The following WDR41 variants were observed in gnomAD, a reference collection of about 807,000 sequenced individuals.
WDR41 encodes WD repeat domain 41.
A neutral mutation model predicts 69.3 loss-of-function variants in WDR41; 63 were observed. That is an observed-to-expected ratio of 0.91 (90% CI 0.74 to 1.12). The LOEUF (loss-of-function observed/expected upper bound fraction) is 1.12, where lower values mean the gene tolerates loss of function less well. WDR41 is among the 50% of genes most tolerant of loss of function. WDR41 has a pLI of 0.00. For synonymous variants in WDR41, 185 were observed against 192.1 expected (o/e 0.96, Z 0.31); for missense variants, 543 against 534.5 (o/e 1.02, Z -0.16).
chr5:77,552,285 AT>A (rs1743314555), intron 1 of WDR41, among the ~76,000 whole-genome samples: 1 of 152,060 alleles, frequency 6.6e-6, no homozygotes, highest in Non-Finnish European at 1.5e-5. Flanking sequence ...ACACAGGGCA[AT>A]TTACAATAAC....
At chr5:77,532,762 T>A (rs942147474) in intron 1 of WDR41, among the ~76,000 whole-genome samples, 1 of 152,114 alleles carries the variant, frequency 6.6e-6, no homozygotes, top group Non-Finnish European at 1.5e-5. Flanking sequence ...GTAAATATTT[T>A]AAAAATTATA....
chr5:77,542,611 C>G (rs1368055078), intron 1 of WDR41, among the ~76,000 whole-genome samples: 1 of 152,008 alleles, frequency 6.6e-6, no homozygotes, highest in East Asian at 1.9e-4. Flanking sequence ...ACATATAAGA[C>G]AGAGCATGTA....
At chr5:77,594,083 T>C (rs1475907624) in intron 1 of WDR41, among the ~76,000 whole-genome samples, 3 of 151,756 alleles carry the variant, frequency 2.0e-5, no homozygotes, top group Non-Finnish European at 4.4e-5. Context: ...ATCAAGTCAT[T>C]GAAAATAAAT....
chr5:77,462,054 G>C (rs544175559), intron 4 of WDR41, among the ~76,000 whole-genome samples: 1 of 152,128 alleles, frequency 6.6e-6, no homozygotes, highest in Non-Finnish European at 1.5e-5. Flanking sequence ...CACTGGCTGT[G>C]TGCCTTGGGA....
At chr5:77,568,387 C>T (rs1399945176) in intron 1 of WDR41, among the ~76,000 whole-genome samples, 1 of 152,268 alleles carries the variant, frequency 6.6e-6, no homozygotes, top group East Asian at 1.9e-4. Context: ...GTCCTTGGAT[C>T]ATCTGTTGTT....
At chr5:77,483,439 T>A (rs1395862725) in intron 2 of WDR41, among the ~76,000 whole-genome samples, 2 of 151,628 alleles carry the variant, frequency 1.3e-5, no homozygotes, top group Non-Finnish European at 2.9e-5. Flanking sequence ...GTGCCCAGCC[T>A]AAGCCCAAGT....
At position 77,579,963 on chromosome 5, in the gene WDR41, A is replaced by G. The variant is rs367940606; in HGVS notation, c.42+40516T>C. Among the ~76,000 whole-genome samples, 5 of 152,356 alleles carry G rather than the reference A, an allele frequency of 3.3e-5. No individual in the cohort carries two copies. In the East Asian group the frequency reaches 9.6e-4, roughly 29 times the overall value. On this transcript the variant is annotated intron_variant, in intron 1 of 5. Transcript: ENST00000509971. Reference sequence around the variant, plus strand: ...GGGCTAAGGAAATGACCACAAATTGATGATTGTAACAATGTATTATTAGGT... The same window carrying G: ...GGGCTAAGGAAATGACCACAAATTGGTGATTGTAACAATGTATTATTAGGT...
At chr5:77,592,294 A>G (rs1744149593) in intron 1 of WDR41, among the ~76,000 whole-genome samples, 1 of 152,126 alleles carries the variant, frequency 6.6e-6, no homozygotes, top group African/African-American at 2.4e-5. Flanking sequence ...TTATCTTTCA[A>G]TTATTTATTC....
chr5:77,556,618 C>G lies in WDR41; in HGVS notation c.42+63861G>C, dbSNP rs549799590. ...AGTTTTAAATTTAATATCACTAAGA[C>G]AGCTGGTTATTCATGTGGGGAAAAA... On this transcript the variant is annotated intron_variant, in intron 1 of 5. Transcript: ENST00000509971. 7.5e-4 allele frequency among the ~76,000 whole-genome samples: 114 copies of G among 152,254 alleles called. No individual in the cohort carries two copies. In the South Asian group the frequency reaches 0.022, roughly 30 times the overall value.
chr5:77,518,180 A>AT lies in WDR41; in HGVS notation c.43-28609dup, dbSNP rs5868871. 4.0e-3 allele frequency among the ~76,000 whole-genome samples: 611 copies of AT among 151,872 alleles called. 8 individuals carry two copies. Among genetic ancestry groups the AT allele is most frequent in the African/African-American group, 0.014 (586 of 41,440 alleles). On this transcript the variant is annotated intron_variant, in intron 1 of 5. Coordinates refer to the WDR41 transcript ENST00000509971. ...CCATAGATACGTATCAGTATATGGG[A>AT]TTTTTTTTGTTGTTGTTTAAGCTTG...
chr5:77,588,225 A>G (rs538615781), intron 1 of WDR41, among the ~76,000 whole-genome samples: 1 of 152,238 alleles, frequency 6.6e-6, no homozygotes, highest in African/African-American at 2.4e-5. Flanking sequence ...CCACTCAGTG[A>G]TTTGCCTTTT....
At chr5:77,543,452 T>C (rs1177155057) in intron 1 of WDR41, among the ~76,000 whole-genome samples, 3 of 151,328 alleles carry the variant, frequency 2.0e-5, no homozygotes, top group Non-Finnish European at 4.4e-5. Flanking sequence ...ATAGCATAAA[T>C]AAAAAAACAA....
intron 5 of WDR41, among the ~76,000 whole-genome samples, chr5:77,455,185 G>C (rs1435253853): frequency 6.6e-6 from 1 of 152,126 alleles, no homozygotes; most frequent in Non-Finnish European, 1.5e-5. Flanking sequence ...TAGTATGTAG[G>C]AAATAGTATT....
chr5:77,597,818 AGT>A (rs1744253503), intron 1 of WDR41, among the ~76,000 whole-genome samples: 2 of 152,180 alleles, frequency 1.3e-5, no homozygotes, highest in Admixed American at 6.5e-5. Context: ...CATCCAGATG[AGT>A]GTTTTGAAAT....
chr5:77,472,046 CCAG>C (rs1316013088), intron 2 of WDR41, among the ~76,000 whole-genome samples: 5 of 152,182 alleles, frequency 3.3e-5, no homozygotes, highest in African/African-American at 9.7e-5. Context: ...CAAACCGAAT[CCAG>C]CAGCACATCA....
intron 1 of WDR41, among the ~76,000 whole-genome samples, chr5:77,538,742 G>A (rs949151980): frequency 7.9e-5 from 12 of 152,148 alleles, no homozygotes; most frequent in African/African-American, 2.7e-4. Flanking sequence ...TAAGAAGCTG[G>A]TCTTGTAACA....
chr5:77,468,991 C>A (rs570954267), intron 2 of WDR41, among the ~76,000 whole-genome samples: 11 of 152,130 alleles, frequency 7.2e-5, no homozygotes, highest in African/African-American at 2.4e-4. Flanking sequence ...CTCTTCAACC[C>A]AAATGTCTAT....
chr5:77,479,050 C>A (rs1484728329), intron 2 of WDR41, among the ~76,000 whole-genome samples: 3 of 152,012 alleles, frequency 2.0e-5, no homozygotes, highest in East Asian at 3.9e-4. Flanking sequence ...AGAGCCAAAT[C>A]ATGAGTGAAC....
At chr5:77,488,244 G>A (rs1439985747) in intron 2 of WDR41, among the ~76,000 whole-genome samples, 2 of 152,102 alleles carry the variant, frequency 1.3e-5, no homozygotes, top group East Asian at 3.9e-4. Context: ...TCTGACCTAA[G>A]TCCAGGTAAT....
Sources: gnomAD v4.1 joint callset for allele counts (sites outside exome capture counted in the v4.1 genomes callset) on GRCh38, gnomAD v4.1.1 for gene constraint, MANE v1.5 for transcripts, NCBI Gene and HGNC (gene_info 2026-07-23, HGNC 2026-07-21) for gene names.